EXOC6B: variants seen among roughly 807,000 people sequenced by gnomAD.
EXOC6B encodes exocyst complex component 6B.
A neutral mutation model predicts 113.5 loss-of-function variants in EXOC6B; 54 were observed. The ratio of observed to expected loss-of-function variants is 0.48; its 90% CI spans 0.38 to 0.60. The LOEUF (loss-of-function observed/expected upper bound fraction) is 0.60. EXOC6B is among the 20% of genes least tolerant of loss of function. EXOC6B has a pLI of 0.00. For missense variants in EXOC6B, 797 were observed against 977.5 expected, an observed-to-expected ratio of 0.82 and a Z score of 2.46; for synonymous variants, 357 against 339.0, an observed-to-expected ratio of 1.05 and a Z score of -0.58.
intron 8 of EXOC6B, among the ~76,000 whole-genome samples, chr2:72,550,916 TTTA>T (rs1359446908): frequency 5.4e-5 from 8 of 149,100 alleles, no homozygotes; most frequent in African/African-American, 1.5e-4. Context: ...TTATTTTTTT[TTTA>T]TTTTTTTTTT....
chr2:72,196,564 A>T (rs1255629316), intron 20 of EXOC6B, among the ~76,000 whole-genome samples: 1 of 152,198 alleles, frequency 6.6e-6, no homozygotes, highest in East Asian at 1.9e-4. Context: ...TTTGGAACTA[A>T]TCAATAGTTT....
chr2:72,382,515 G>A (rs1187819972), intron 18 of EXOC6B, among the ~76,000 whole-genome samples: 2 of 152,018 alleles, frequency 1.3e-5, no homozygotes, highest in Non-Finnish European at 1.5e-5. Context: ...GGCTATTCGG[G>A]GTCTTTTTTG....
chr2:72,427,864 T>A (rs541267704), intron 18 of EXOC6B, among the ~76,000 whole-genome samples: 3 of 152,064 alleles, frequency 2.0e-5, no homozygotes, highest in Admixed American at 6.5e-5. Flanking sequence ...CATGGACCAA[T>A]TGGCACACAC....
At chr2:72,801,721 AGG>A (rs1685283296) in intron 1 of EXOC6B, among the ~76,000 whole-genome samples, 1 of 152,226 alleles carries the variant, frequency 6.6e-6, no homozygotes. Flanking sequence ...TGTAGAACTA[AGG>A]ACCCTCTCTC....
chr2:72,619,406 A>G (rs1671609998), intron 6 of EXOC6B, among the ~76,000 whole-genome samples: 1 of 152,182 alleles, frequency 6.6e-6, no homozygotes, highest in South Asian at 2.1e-4. Flanking sequence ...CCATCCATTA[A>G]AAAAATGGAA....
At chr2:72,569,362 G>A (rs111596819) in intron 7 of EXOC6B, among the ~76,000 whole-genome samples, 172 of 151,698 alleles carry the variant, frequency 1.1e-3, no homozygotes, top group Non-Finnish European at 1.9e-3. Context: ...GTGTGGCCCC[G>A]TCAGTCTGTT....
intron 18 of EXOC6B, among the ~76,000 whole-genome samples, chr2:72,414,605 C>T (rs935937277): frequency 2.6e-5 from 4 of 152,164 alleles, no homozygotes; most frequent in Non-Finnish European, 5.9e-5. Flanking sequence ...GAAACAGATG[C>T]ACTCAGTGTC....
rs556728171 is a variant in EXOC6B at position 72,699,250 on chromosome 2, C to T, written c.669+18853G>A. Reference sequence around the variant, plus strand: ...ATCCCAGCACTTTGGGAAGCCAAGGCGGGTGGATCACGAGGTCAGGAGTTC... The same window carrying T: ...ATCCCAGCACTTTGGGAAGCCAAGGTGGGTGGATCACGAGGTCAGGAGTTC... On this transcript the variant is annotated intron_variant, in intron 6 of 21. Transcript: ENST00000272427. Among the ~76,000 whole-genome samples, 12 of 152,154 alleles carry T rather than the reference C, an allele frequency of 7.9e-5. 1 individual carries two copies. Among genetic ancestry groups the T allele is most frequent in the African/African-American group, 2.6e-4 (11 of 41,536 alleles).
chr2:72,340,726 C>T (rs1362912097), intron 19 of EXOC6B, among the ~76,000 whole-genome samples: 2 of 151,942 alleles, frequency 1.3e-5, no homozygotes, highest in African/African-American at 2.4e-5. Context: ...TGTGTTTTTT[C>T]GTGGGAATGA....
chr2:72,226,613 C>T (rs1373613339), intron 20 of EXOC6B, among the ~76,000 whole-genome samples: 3 of 152,140 alleles, frequency 2.0e-5, no homozygotes, highest in Admixed American at 6.6e-5. Context: ...ATTCCATTTT[C>T]CCTGCCATTC....
chr2:72,393,004 C>T lies in EXOC6B; in HGVS notation c.1981-13134G>A, dbSNP rs1027424722. ...TGTCTTCAAAGCCCCCAGAGTGTGC[C>T]CTATGCACCTGCAGCTTACAGCTTA... On this transcript the variant is annotated intron_variant, in intron 18 of 21. Coordinates refer to ENST00000272427, the MANE Select transcript of EXOC6B (RefSeq NM_015189.3). Among the ~76,000 whole-genome samples the T allele has an allele frequency of 4.6e-5, 7 of 151,996 alleles. 1 individual carries two copies. Among genetic ancestry groups the T allele is most frequent in the Non-Finnish European group, 1.0e-4 (7 of 67,992 alleles).
intron 19 of EXOC6B, among the ~76,000 whole-genome samples, chr2:72,335,588 ACACACACG>A (rs1052517356): frequency 3.5e-5 from 5 of 142,058 alleles, no homozygotes; most frequent in African/African-American, 1.1e-4. Flanking sequence ...ACACACACAC[ACACACACG>A]CATCCCAGAA....
intron 18 of EXOC6B, among the ~76,000 whole-genome samples, chr2:72,400,864 T>C (rs930435382): frequency 1.3e-5 from 2 of 151,876 alleles, no homozygotes; most frequent in Non-Finnish European, 2.9e-5. Flanking sequence ...TAATATAGCC[T>C]ATATAAAAGA....
At chr2:72,397,624 A>AAAAAAAAAAAAAAT (rs1692812259) in intron 18 of EXOC6B, among the ~76,000 whole-genome samples, 1 of 133,454 alleles carries the variant, frequency 7.5e-6, no homozygotes, top group African/African-American at 3.8e-5. Flanking sequence ...TCTCAAAAAA[A>AAAAAAAAAAAAAAT]AAAAATAAAA....
chr2:72,239,167 G>A (rs62147622), intron 20 of EXOC6B, among the ~76,000 whole-genome samples: 5,828 of 152,280 alleles, frequency 0.038, 138 homozygotes, highest in Non-Finnish European at 0.051. Flanking sequence ...CTGGGATTAT[G>A]AGCGTGAGCC....
intron 19 of EXOC6B, among the ~76,000 whole-genome samples, chr2:72,342,049 AAC>A (rs1689061338): frequency 6.6e-6 from 1 of 152,152 alleles, no homozygotes; most frequent in Non-Finnish European, 1.5e-5. Context: ...AATAAAAACA[AAC>A]ACAATATATC....
chr2:72,771,322 A>G (rs1683393348), intron 1 of EXOC6B, among the ~76,000 whole-genome samples: 1 of 152,152 alleles, frequency 6.6e-6, no homozygotes, highest in Non-Finnish European at 1.5e-5. Context: ...AATTTTTGCC[A>G]TATTTGTTTT....
At chr2:72,271,922 C>G (rs1684511832) in intron 20 of EXOC6B, among the ~76,000 whole-genome samples, 1 of 152,126 alleles carries the variant, frequency 6.6e-6, no homozygotes, top group Non-Finnish European at 1.5e-5. Context: ...AGAGGTAAAG[C>G]TGAACTCTCC....
At chr2:72,548,255 A>G (rs1050675339) in intron 8 of EXOC6B, among the ~76,000 whole-genome samples, 5 of 152,146 alleles carry the variant, frequency 3.3e-5, no homozygotes, top group Admixed American at 2.0e-4. Flanking sequence ...CTATAAGACC[A>G]TGACCGAAAT....
Sources: gnomAD v4.1 joint callset for allele counts (sites outside exome capture counted in the v4.1 genomes callset) on GRCh38, gnomAD v4.1.1 for gene constraint, MANE v1.5 for transcripts, NCBI Gene and HGNC (gene_info 2026-07-23, HGNC 2026-07-21) for gene names.